Variants in RHEB observed in about 807,000 individuals in gnomAD.
The protein encoded by RHEB is GTP-binding protein Rheb.
Under a neutral mutation model 28.8 loss-of-function variants are expected in RHEB, and 2 were observed. That is an observed-to-expected ratio of 0.07 (90% CI 0.03 to 0.22). RHEB has a LOEUF of 0.22. RHEB is among the 10% of genes least tolerant of loss of function. The pLI is 1.00. For synonymous variants in RHEB, 69 were observed against 77.3 expected (o/e 0.89, Z 0.56); for missense variants, 76 against 219.9 (o/e 0.35, Z 4.14).
chr7:151,469,784 C>T (rs138291573), intron 7 of RHEB, among the ~76,000 whole-genome samples: 8 of 152,186 alleles, frequency 5.3e-5, no homozygotes, highest in East Asian at 1.9e-4. Flanking sequence ...AGTACAAGAA[C>T]GTGGTGAGAG....
In RHEB at chr7:151,468,537, T is replaced by G. The variant is rs1802105027; in HGVS notation, c.463-1326A>C. On this transcript the variant is annotated intron_variant, in intron 7 of 7. Coordinates refer to ENST00000262187, the MANE Select transcript of RHEB (RefSeq NM_005614.4). The surrounding 1 kb of genome is among the most constrained non-coding windows in gnomAD (Gnocchi z 4.3). Reference sequence around the variant, plus strand: ...CGCCTGCATCCCTGGATCTGGGCACTCCCCAGAGAAAGCATCCACGCCTTG... The same window carrying G: ...CGCCTGCATCCCTGGATCTGGGCACGCCCCAGAGAAAGCATCCACGCCTTG... Among the ~76,000 whole-genome samples, 3 of 152,192 alleles carry G rather than the reference T, an allele frequency of 2.0e-5. No homozygotes were observed. The highest frequency in any genetic ancestry group is 2.0e-4 in the Admixed American group (3 of 15,282).
At chr7:151,506,162 A>AT (rs941039314) in intron 1 of RHEB, among the ~76,000 whole-genome samples, 9 of 150,476 alleles carry the variant, frequency 6.0e-5, no homozygotes, top group African/African-American at 2.0e-4. Context: ...GGAAAAAAAG[A>AT]TTTTTTTTAA....
chr7:151,467,090 T>G lies in RHEB; in HGVS notation c.*29A>C, dbSNP rs1446944774. The G allele has an allele frequency of 6.6e-7, 1 of 1,516,004 alleles. No individual in the cohort carries two copies. The highest frequency in any genetic ancestry group is 9.2e-7 in the Non-Finnish European group (1 of 1,090,854). 93.9% of individuals were successfully genotyped at this position (1,516,004 alleles called of 1,614,324 possible). On this transcript the variant is annotated 3_prime_UTR_variant, in exon 8 of 8. Coordinates refer to ENST00000262187, the MANE Select transcript of RHEB (RefSeq NM_005614.4). ...GTTTGCTTCTTCAGGTAGAATATAT[T>G]CCCAGTGTCCTCAGGCTTTGCAGCA...
At chr7:151,478,193 C>G (rs71539884) in intron 3 of RHEB, among the ~76,000 whole-genome samples, 1 of 152,286 alleles carries the variant, frequency 6.6e-6, no homozygotes, top group African/African-American at 2.4e-5. Flanking sequence ...GCGCCACTGT[C>G]TGGTACGAAC....
chr7:151,466,384 C>T lies in RHEB; in HGVS notation c.*735G>A, dbSNP rs1164837838. 1.3e-5 allele frequency: 2 copies of T among 152,356 alleles called. No individual in the cohort carries two copies. Among genetic ancestry groups the T allele is most frequent in the Non-Finnish European group, 2.9e-5 (2 of 68,114 alleles). 9.4% of individuals were successfully genotyped at this position (152,356 alleles called of 1,614,324 possible). A position where few individuals can be genotyped will look rare whatever the true frequency, so the allele number is the denominator to read the frequency against. ...CGAACAATGCCTCTCAGCAGCTCCT[C>T]CTCCTTGACCAGGCTCCCGACCACG... On this transcript the variant is annotated 3_prime_UTR_variant, in exon 8 of 8. Transcript: ENST00000262187.
chr7:151,473,382 C>CT (rs1056063884), intron 4 of RHEB, among the ~76,000 whole-genome samples: 8 of 152,190 alleles, frequency 5.3e-5, no homozygotes, highest in African/African-American at 1.9e-4. Context: ...CCAGGCAAGC[C>CT]TTCAGATGGG....
intron 4 of RHEB, among the ~76,000 whole-genome samples, chr7:151,474,918 G>C (rs1165899867): frequency 6.6e-6 from 1 of 152,008 alleles, no homozygotes; most frequent in Non-Finnish European, 1.5e-5. Flanking sequence ...CAGCATATAG[G>C]TTTCTAAAAA....
intron 1 of RHEB, among the ~76,000 whole-genome samples, chr7:151,516,034 C>T (rs1803071459): frequency 7.7e-6 from 1 of 129,888 alleles, no homozygotes; most frequent in Non-Finnish European, 1.8e-5. Flanking sequence ...GTTTACGTAA[C>T]ACTACCATTT....
intron 1 of RHEB, among the ~76,000 whole-genome samples, chr7:151,492,290 A>C (rs909637496): frequency 2.0e-5 from 3 of 152,158 alleles, no homozygotes; most frequent in African/African-American, 7.2e-5. Flanking sequence ...GCATTCCTTA[A>C]AATTTAAATT....
intron 1 of RHEB, among the ~76,000 whole-genome samples, chr7:151,518,747 G>A (rs899268839): frequency 6.6e-6 from 1 of 152,184 alleles, no homozygotes; most frequent in Non-Finnish European, 1.5e-5. Context: ...CAGCCTGGTT[G>A]CAAGTACCTG....
intron 1 of RHEB, chr7:151,502,564 G>C: frequency 8.9e-7 from 1 of 1,128,426 alleles, no homozygotes; most frequent in Non-Finnish European, 1.4e-6. Flanking sequence ...TGTATTGTGT[G>C]ACAACAAATT....
At chr7:151,513,972 T>A (rs1281894917) in intron 1 of RHEB, among the ~76,000 whole-genome samples, 1 of 152,148 alleles carries the variant, frequency 6.6e-6, no homozygotes, top group East Asian at 1.9e-4. Context: ...AATAATAAAG[T>A]TAGAGGACTC....
chr7:151,512,487 C>T (rs1427648840), intron 1 of RHEB, among the ~76,000 whole-genome samples: 1 of 152,060 alleles, frequency 6.6e-6, no homozygotes, highest in East Asian at 1.9e-4. Flanking sequence ...GGTCCAAACA[C>T]AACTCATCCA....
intron 1 of RHEB, among the ~76,000 whole-genome samples, chr7:151,506,188 C>CTTT (rs574892432): frequency 1.4e-5 from 2 of 139,888 alleles, no homozygotes; most frequent in African/African-American, 2.6e-5. Flanking sequence ...AATGCATTTA[C>CTTT]TTTTTTTTTT....
intron 1 of RHEB, among the ~76,000 whole-genome samples, chr7:151,505,712 A>G (rs899668783): frequency 6.6e-5 from 10 of 152,226 alleles, no homozygotes; most frequent in Non-Finnish European, 1.5e-4. Context: ...TGCTCATAAT[A>G]GCTTTATTCT....
At chr7:151,502,462 G>A (rs538503044) in intron 1 of RHEB, 4 of 846,214 alleles carry the variant, frequency 4.7e-6, no homozygotes, top group South Asian at 2.6e-5. Flanking sequence ...CAGATGGTCT[G>A]GTTGTTTACT....
intron 7 of RHEB, among the ~76,000 whole-genome samples, chr7:151,469,455 C>T (rs531550023): frequency 2.0e-5 from 3 of 152,294 alleles, no homozygotes; most frequent in Admixed American, 2.0e-4. Context: ...CTACAAACCT[C>T]CGTGCTGCGG....
chr7:151,467,637 G>GCCTTA (rs1345051857), intron 7 of RHEB, among the ~76,000 whole-genome samples: 1 of 152,130 alleles, frequency 6.6e-6, no homozygotes, highest in African/African-American at 2.4e-5. Flanking sequence ...GACACTAAGA[G>GCCTTA]GCCTGAAGTG....
rs559429987 is a variant in RHEB, at chr7:151,466,046, A to G, written c.*1073T>C. ...AAACTATATTTTATTAATAAAGTCA[A>G]TGGTAACATTTGCTTACGTATTAGA... On this transcript the variant is annotated 3_prime_UTR_variant, in exon 8 of 8. Transcript: ENST00000262187. 1 of 152,390 alleles carries G rather than the reference A, an allele frequency of 6.6e-6. No homozygotes were observed. The highest frequency in any genetic ancestry group is 6.5e-5 in the Admixed American group (1 of 15,308). 9.4% of individuals were successfully genotyped at this position (152,390 alleles called of 1,614,324 possible).
Sources: allele counts gnomAD v4.1 joint callset (sites outside exome capture counted in the v4.1 genomes callset), GRCh38; gene constraint gnomAD v4.1.1; non-coding constraint Gnocchi (gnomAD v3.1); transcripts MANE v1.5; gene names NCBI Gene and HGNC (gene_info 2026-07-23, HGNC 2026-07-21).